Variants in L3MBTL4 observed in about 807,000 individuals in gnomAD.
L3MBTL4 encodes the protein lethal(3)malignant brain tumor-like protein 4.
A neutral mutation model predicts 84.5 loss-of-function variants in L3MBTL4; 70 were observed. The observed-to-expected ratio is 0.83, with a 90% CI of 0.68 to 1.01. L3MBTL4 has a LOEUF of 1.01. L3MBTL4 is among the 50% of genes least tolerant of loss of function. L3MBTL4 has a pLI of 0.00. For missense variants in L3MBTL4, 715 were observed against 754.8 expected, an observed-to-expected ratio of 0.95 and a Z score of 0.62; for synonymous variants, 274 against 259.8, an observed-to-expected ratio of 1.05 and a Z score of -0.52.
chr18:6,106,291 T>C (rs555373612), intron 14 of L3MBTL4, among the ~76,000 whole-genome samples: 4 of 152,328 alleles, frequency 2.6e-5, no homozygotes, highest in Non-Finnish European at 1.5e-5. Flanking sequence ...GCCTTGTACA[T>C]ACTAGGTACT....
chr18:6,091,386 G>A (rs1279972238), intron 15 of L3MBTL4, among the ~76,000 whole-genome samples: 1 of 152,194 alleles, frequency 6.6e-6, no homozygotes, highest in East Asian at 1.9e-4. Context: ...ATGCAAGGAT[G>A]GCTTTGGTCT....
intron 14 of L3MBTL4, among the ~76,000 whole-genome samples, chr18:6,130,948 T>C (rs1223005925): frequency 1.3e-5 from 2 of 152,208 alleles, no homozygotes; most frequent in Non-Finnish European, 2.9e-5. Flanking sequence ...TTGAGTATTA[T>C]TGCTAACCCC....
chr18:6,369,461 A>G (rs1274188406), intron 1 of L3MBTL4, among the ~76,000 whole-genome samples: 3 of 152,194 alleles, frequency 2.0e-5, no homozygotes, highest in East Asian at 1.9e-4. Context: ...AAAACTGTCA[A>G]TGGTGCTAAG....
intron 16 of L3MBTL4, chr18:6,031,704 G>A (rs1221325350): frequency 2.0e-6 from 2 of 985,392 alleles, no homozygotes; most frequent in Non-Finnish European, 2.4e-6. Flanking sequence ...CGGCTTCATG[G>A]GGAATGGCAG....
rs553334361 is a variant in L3MBTL4, at chr18:6,165,224, C to T, written c.1096+6604G>A. On this transcript the variant is annotated intron_variant, in intron 13 of 18. Coordinates refer to ENST00000317931, the MANE Select transcript of L3MBTL4 (RefSeq NM_001330559.2). ...ATCTGATTGGTGTACCTGAAAGTGA[C>T]GGGGAGAATGGAACCAAGTTGGAAA... Among the ~76,000 whole-genome samples, 5 of 152,186 alleles carry T rather than the reference C, an allele frequency of 3.3e-5. 1 individual carries two copies. Among genetic ancestry groups the T allele is most frequent in the African/African-American group, 7.2e-5 (3 of 41,530 alleles).
At chr18:6,376,906 T>C (rs574574884) in intron 1 of L3MBTL4, among the ~76,000 whole-genome samples, 1 of 152,316 alleles carries the variant, frequency 6.6e-6, no homozygotes, top group South Asian at 2.1e-4. Context: ...TCTCCTGCCC[T>C]CACACTGAAA....
At chr18:6,061,955 A>C (rs2057237460) in intron 16 of L3MBTL4, among the ~76,000 whole-genome samples, 1 of 151,800 alleles carries the variant, frequency 6.6e-6, no homozygotes, top group Non-Finnish European at 1.5e-5. Flanking sequence ...ACCTCTCCAT[A>C]AGCTATACTC....
At chr18:6,159,588 T>C (rs2043236213) in intron 13 of L3MBTL4, among the ~76,000 whole-genome samples, 1 of 152,216 alleles carries the variant, frequency 6.6e-6, no homozygotes, top group Non-Finnish European at 1.5e-5. Context: ...ATGCAAAGTG[T>C]TCCCATCATA....
chr18:6,324,457 G>T (rs2051607442), intron 1 of L3MBTL4, among the ~76,000 whole-genome samples: 1 of 152,250 alleles, frequency 6.6e-6, no homozygotes. Context: ...GCTGAACCTT[G>T]CAAAGTCATA....
chr18:6,056,731 G>A (rs1364583456), intron 16 of L3MBTL4, among the ~76,000 whole-genome samples: 1 of 152,086 alleles, frequency 6.6e-6, no homozygotes, highest in East Asian at 1.9e-4. Context: ...TGGGTGTCCT[G>A]ATGAAATGGT....
chr18:6,230,924 T>C (rs761983768), intron 10 of L3MBTL4, among the ~76,000 whole-genome samples: 2 of 152,196 alleles, frequency 1.3e-5, no homozygotes, highest in African/African-American at 2.4e-5. Context: ...ACTTTTTTAA[T>C]GGGGTTGTTT....
intron 13 of L3MBTL4, among the ~76,000 whole-genome samples, chr18:6,151,575 A>G (rs1478002925): frequency 6.6e-6 from 1 of 152,012 alleles, no homozygotes; most frequent in African/African-American, 2.4e-5. Context: ...TTGTATTTTT[A>G]GTAGAGACGG....
chr18:5,969,467 C>G lies in L3MBTL4; in HGVS notation c.1540G>C (p.Glu514Gln), dbSNP rs773014368. 1 of 1,614,032 alleles carries G rather than the reference C, an allele frequency of 6.2e-7. No individual in the cohort carries two copies. The highest frequency in any genetic ancestry group is 8.5e-7 in the Non-Finnish European group (1 of 1,180,034). ...HPFRDLPLGR[E>Q]QHCKLLPGVA... ...CCTGGAAGCAACTTGCAGTGTTGCT[C>G]CCTGCCGAGGGGAAGGTCCCGAAAA... Residue 514 changes from glutamate (E) to glutamine (Q), a missense_variant, in exon 17 of 19, where the codon GAG becomes CAG. Physicochemically the swap from Glu to Gln is conservative, Grantham distance 29. Coordinates refer to ENST00000317931, the MANE Select transcript of L3MBTL4 (RefSeq NM_001330559.2).
At chr18:6,102,268 A>C (rs1205551650) in intron 14 of L3MBTL4, among the ~76,000 whole-genome samples, 1 of 152,208 alleles carries the variant, frequency 6.6e-6, no homozygotes, top group Non-Finnish European at 1.5e-5. Context: ...TGTCACTCAA[A>C]TTGATGCCAA....
rs145430113 is a variant in L3MBTL4 at position 6,386,221 on chromosome 18, A to G, written c.-91+28580T>C. Among the ~76,000 whole-genome samples, 407 of 152,314 alleles carry G rather than the reference A, an allele frequency of 2.7e-3. 3 individuals are homozygous for G. The highest frequency in any genetic ancestry group is 9.4e-3 in the African/African-American group (390 of 41,564). ...AAGAATGAGAAAGATTCCAACAAGT[A>G]GAGAAAGAAAAAAAATATTTGAGAA... On this transcript the variant is annotated intron_variant, in intron 1 of 18. Coordinates refer to ENST00000317931, the MANE Select transcript of L3MBTL4 (RefSeq NM_001330559.2).
chr18:6,349,556 T>C (rs975019393), intron 1 of L3MBTL4, among the ~76,000 whole-genome samples: 1 of 152,022 alleles, frequency 6.6e-6, no homozygotes, highest in African/African-American at 2.4e-5. Flanking sequence ...TGAGAACCTG[T>C]CTCCCCTAAA....
intron 16 of L3MBTL4, among the ~76,000 whole-genome samples, chr18:6,017,301 C>A (rs1042466490): frequency 6.7e-6 from 1 of 148,244 alleles, no homozygotes; most frequent in African/African-American, 2.5e-5. Flanking sequence ...ATTGGAGACA[C>A]TTCTCAAGCA....
intron 12 of L3MBTL4, among the ~76,000 whole-genome samples, chr18:6,185,528 T>C (rs2044684193): frequency 6.6e-6 from 1 of 152,086 alleles, no homozygotes; most frequent in Admixed American, 6.6e-5. Flanking sequence ...GTGCTCCTGC[T>C]TGTGGTTGGC....
intron 16 of L3MBTL4, among the ~76,000 whole-genome samples, chr18:6,058,119 A>G (rs999182662): frequency 2.0e-5 from 3 of 152,238 alleles, no homozygotes; most frequent in Non-Finnish European, 4.4e-5. Flanking sequence ...TGTGGGAATC[A>G]AGACATCAAA....
Sources: allele counts gnomAD v4.1 joint callset (sites outside exome capture counted in the v4.1 genomes callset), GRCh38; gene constraint gnomAD v4.1.1; transcripts MANE v1.5; gene names NCBI Gene and HGNC (gene_info 2026-07-23, HGNC 2026-07-21).